The following NCAPG2 variants were observed in gnomAD, a reference collection of about 807,000 sequenced individuals.
NCAPG2 encodes non-SMC condensin II complex subunit G2, also known as condensin-2 complex subunit G2.
NCAPG2 carries 53 observed loss-of-function variants against 141.1 expected under a neutral mutation model. The observed-to-expected ratio is 0.38, with a 90% CI of 0.30 to 0.47. The LOEUF (loss-of-function observed/expected upper bound fraction) is 0.47. Among genes scored for constraint, NCAPG2 ranks in the 20% least tolerant of loss-of-function variants. The pLI is 0.99. For synonymous variants in NCAPG2, 499 were observed against 490.7 expected, an observed-to-expected ratio of 1.02 and a Z score of -0.22; for missense variants, 1,087 against 1,389.0, an observed-to-expected ratio of 0.78 and a Z score of 3.46.
chr7:158,668,253 CTA>C (rs1563542896), intron 13 of NCAPG2: 51 of 547,396 alleles, frequency 9.3e-5, no homozygotes, highest in African/African-American at 3.9e-4. Flanking sequence ...TCCTTACCCA[CTA>C]CTGGGTCCCT....
rs755566765 is a variant in NCAPG2, at chr7:158,664,536, G to A, written c.1694C>T (p.Thr565Ile). 6.2e-7 allele frequency: 1 copy of A among 1,613,976 alleles called. No individual in the cohort carries two copies. The change falls in exon 14 of 28, where the codon ACC becomes ATC. Residue 565 changes from threonine to isoleucine, a missense_variant. By Grantham distance (89) the Thr-to-Ile change is moderately conservative. Transcript: ENST00000356309. ...YQYAHEHTAC[T>I]NIAKLIHVIR... is the part of the protein sequence containing the mutation. The stretch of plus-strand genomic sequence containing the variant: ...ATAACAGCACTCCCTACCTATGTTG[G>A]TGCAGGCGGTGTGTTCGTGGGCGTA...
At chr7:158,642,921 C>T (rs939690831) in intron 27 of NCAPG2, among the ~76,000 whole-genome samples, 1 of 151,998 alleles carries the variant, frequency 6.6e-6, no homozygotes, top group African/African-American at 2.4e-5. Flanking sequence ...ATTACAGAAG[C>T]GTGCCACCAC....
At chr7:158,634,548 C>G (rs1307837063) in intron 27 of NCAPG2, among the ~76,000 whole-genome samples, 1 of 152,126 alleles carries the variant, frequency 6.6e-6, no homozygotes, top group African/African-American at 2.4e-5. Flanking sequence ...TACGGAGGGC[C>G]AAGTGTTCTC....
chr7:158,664,104 A>G (rs560670397), intron 15 of NCAPG2, 80 bp downstream of exon 15: 3 of 1,073,398 alleles, frequency 2.8e-6, no homozygotes, highest in African/African-American at 1.6e-5. Flanking sequence ...AAGAAAACAT[A>G]GGAATATTCC....
intron 11 of NCAPG2, among the ~76,000 whole-genome samples, chr7:158,677,257 T>A (rs762446621): frequency 5.3e-5 from 8 of 152,000 alleles, no homozygotes; most frequent in Non-Finnish European, 1.0e-4. Flanking sequence ...GGAAGAGCAA[T>A]GCCACCCAGA....
chr7:158,672,543 T>C (rs1001738671), intron 12 of NCAPG2, among the ~76,000 whole-genome samples: 1 of 151,300 alleles, frequency 6.6e-6, no homozygotes, highest in South Asian at 2.1e-4. Context: ...GGGTTTTACC[T>C]TGTTAGCCAG....
chr7:158,683,233 CA>C lies in NCAPG2; in HGVS notation c.924+66del, dbSNP rs2129467934. Reference sequence around the variant, plus strand: ...TGAAAGCTTAATTTTAAAATTTAACCAAAACAATTATCTAAAAACAAAACAG... The same window carrying C: ...TGAAAGCTTAATTTTAAAATTTAACCAAACAATTATCTAAAAACAAAACAG... On this transcript the variant is annotated intron_variant, in intron 9 of 27. Transcript: ENST00000356309. 3.1e-6 allele frequency: 4 copies of C among 1,294,682 alleles called. No individual in the cohort carries two copies. In the South Asian group the frequency reaches 4.8e-5, roughly 15 times the overall value. 80.2% of individuals were successfully genotyped at this position (1,294,682 alleles called of 1,614,324 possible).
intron 26 of NCAPG2, 49 bp from the exon 27 acceptor site, chr7:158,644,437 A>C (rs562422857): frequency 6.5e-5 from 95 of 1,464,726 alleles, no homozygotes; most frequent in Non-Finnish European, 8.7e-5. Context: ...ATCACTACAC[A>C]AAGACAAACA....
intron 24 of NCAPG2, among the ~76,000 whole-genome samples, chr7:158,648,877 T>TACAACCACGGCAA (rs1563505075): frequency 5.3e-5 from 8 of 150,630 alleles, no homozygotes; most frequent in East Asian, 2.0e-4. Flanking sequence ...GCAAATGGAC[T>TACAACCACGGCAA]ATAACCACGG....
chr7:158,686,156 A>T lies in NCAPG2; in HGVS notation c.837+16T>A, dbSNP rs150268176. Reference sequence around the variant, plus strand: ...ATAATAAAAATAAGTGTTAACATTTAAAAAAATGAAAATACCTCCAGTATT... The same window carrying T: ...ATAATAAAAATAAGTGTTAACATTTTAAAAAATGAAAATACCTCCAGTATT... On this transcript the variant is annotated intron_variant, in intron 8 of 27. Coordinates refer to ENST00000356309, the MANE Select transcript of NCAPG2 (RefSeq NM_017760.7). 1.6e-3 allele frequency: 2,310 copies of T among 1,473,604 alleles called. 33 individuals are homozygous for T. The African/African-American group carries it at 0.029, about 19-fold the overall frequency. The allele number at this position is 1,473,604 out of a possible 1,614,324, so 91.3% of individuals were successfully genotyped here. A position where few individuals can be genotyped will look rare whatever the true frequency, so the allele number is the denominator to read the frequency against.
intron 7 of NCAPG2, among the ~76,000 whole-genome samples, chr7:158,687,037 C>T (rs527897244): frequency 6.6e-6 from 1 of 152,170 alleles, no homozygotes; most frequent in East Asian, 1.9e-4. Flanking sequence ...CCACGTTCAA[C>T]CAAAAAGCAC....
intron 25 of NCAPG2, among the ~76,000 whole-genome samples, chr7:158,645,951 A>C (rs184754130): frequency 5.3e-5 from 8 of 152,360 alleles, no homozygotes. Flanking sequence ...TTTTCATTGA[A>C]TGTATCTGCT....
chr7:158,701,255 A>G (rs1979195), intron 2 of NCAPG2, among the ~76,000 whole-genome samples: 47,151 of 152,038 alleles, frequency 0.31, 7,524 homozygotes, highest in East Asian at 0.4. Flanking sequence ...GAAGAGCACA[A>G]CCTAAGAGGT....
At position 158,644,484 on chromosome 7, in the gene NCAPG2, G is replaced by A. The variant is rs920668571; in HGVS notation, c.3281-96C>T. ...ATGTGGTACAACTTCCCTAAGCTGG[G>A]CCTCCCTATCCTTCCCTTTGAGGTA... On this transcript the variant is annotated intron_variant, in intron 26 of 27. Coordinates refer to ENST00000356309, the MANE Select transcript of NCAPG2 (RefSeq NM_017760.7). 2.9e-6 allele frequency: 3 copies of A among 1,033,866 alleles called. No homozygotes were observed. In the African/African-American group the frequency reaches 4.7e-5, roughly 16 times the overall value. 64.0% of individuals were successfully genotyped at this position (1,033,866 alleles called of 1,614,324 possible). A position where few individuals can be genotyped will look rare whatever the true frequency, so the allele number is the denominator to read the frequency against.
At chr7:158,703,229 G>A (rs1455583094) in intron 1 of NCAPG2, among the ~76,000 whole-genome samples, 2 of 152,206 alleles carry the variant, frequency 1.3e-5, no homozygotes, top group Non-Finnish European at 2.9e-5. Flanking sequence ...AAAGAAAATG[G>A]GGAGGGAAGG....
At chr7:158,645,401 G>A (rs1830933885) in intron 26 of NCAPG2, 118 bp downstream of exon 26, 1 of 809,638 alleles carries the variant, frequency 1.2e-6, no homozygotes, top group Non-Finnish European at 2.0e-6. Context: ...GGAAAGGCTG[G>A]GGGACACCTG....
At chr7:158,648,951 A>C in intron 24 of NCAPG2, among the ~76,000 whole-genome samples, 1 of 152,408 alleles carries the variant, frequency 6.6e-6, no homozygotes, top group South Asian at 2.1e-4. Flanking sequence ...ACCACGGCAA[A>C]TGGACTATAA....
At chr7:158,687,947 T>A (rs1023905130) in intron 6 of NCAPG2, among the ~76,000 whole-genome samples, 30 of 152,164 alleles carry the variant, frequency 2.0e-4, no homozygotes, top group African/African-American at 6.5e-4. Flanking sequence ...CATAAATACA[T>A]CATGTGATGA....
At chr7:158,698,787 ATTTT>A (rs5888768) in intron 2 of NCAPG2, among the ~76,000 whole-genome samples, 3 of 143,208 alleles carry the variant, frequency 2.1e-5, no homozygotes, top group African/African-American at 7.8e-5. Flanking sequence ...TAGTAGTAGT[ATTTT>A]TTTTTTTTTT....
Sources: gnomAD v4.1 joint callset for allele counts (sites outside exome capture counted in the v4.1 genomes callset) on GRCh38, gnomAD v4.1.1 for gene constraint, MANE v1.5 for transcripts, NCBI Gene and HGNC (gene_info 2026-07-23, HGNC 2026-07-21) for gene names.